Variants in HGFAC observed in about 807,000 individuals in gnomAD.
The protein encoded by HGFAC is HGF activator, also known as hepatocyte growth factor activator serine protease.
HGFAC carries 76 observed loss-of-function variants against 70.6 expected under a neutral mutation model. The observed-to-expected ratio is 1.08, with a 90% CI of 0.89 to 1.30. The LOEUF is 1.30. HGFAC is among the 50% of genes most tolerant of loss of function. The pLI, the probability that HGFAC is intolerant of heterozygous loss-of-function variation, is 0.00. For missense variants in HGFAC, 1,044 were observed against 933.7 expected (o/e 1.12, Z -1.54); for synonymous variants, 464 against 405.3 (o/e 1.14, Z -1.74).
chr4:3,448,305 C>G, intron 13 of HGFAC, 29 bp downstream of exon 13: 2 of 1,602,480 alleles, frequency 1.2e-6, no homozygotes, highest in Non-Finnish European at 1.7e-6. Context: ...CACCAGGACC[C>G]GACTGGTGGG....
At chr4:3,447,403 C>T (rs1293956838) in intron 10 of HGFAC, 89 bp from the exon 11 acceptor site, 2 of 1,475,898 alleles carry the variant, frequency 1.4e-6, no homozygotes, top group Non-Finnish European at 1.9e-6. Flanking sequence ...ACACCATTGG[C>T]CTCCGTGGGC....
Position 3,444,883 on chromosome 4 carries a change from C to A in HGFAC, c.906C>A (p.Ala302=). The change falls in exon 8 of 14, where the codon GCC becomes GCA. Residue 302 remains alanine, a synonymous_variant. Coordinates refer to ENST00000382774, the MANE Select transcript of HGFAC (RefSeq NM_001528.4). ...TGYRGVASTS[A]SGLSCLAWNS... ...ACCGTGGCGTGGCCAGCACCTCAGCCTCGGGCCTCAGCTGCCTGGCCTGGA... is the reference window on the plus strand; with the variant it reads ...ACCGTGGCGTGGCCAGCACCTCAGCATCGGGCCTCAGCTGCCTGGCCTGGA... 1 of 1,608,730 alleles carries A rather than the reference C, an allele frequency of 6.2e-7. No individual in the cohort carries two copies. Among genetic ancestry groups the A allele is most frequent in the South Asian group, 1.1e-5 (1 of 90,224 alleles).
In HGFAC at chr4:3,443,059, A is replaced by C; in HGVS notation, c.308A>C (p.Glu103Ala). ...CACCCCCTCCCCACAGCACTCACCG[A>C]GGACGGGAGGCCCTGCAGGTTCCCC... ...SSSPQAQALT[E>A]DGRPCRFPFR... The change falls in exon 3 of 14, where the codon GAG becomes GCG. Residue 103 changes from glutamate to alanine, a missense_variant. Transcript: ENST00000382774. The C allele has an allele frequency of 6.3e-7, 1 of 1,598,850 alleles. No homozygotes were observed. The highest frequency in any genetic ancestry group is 1.1e-5 in the South Asian group (1 of 90,584).
At chr4:3,443,950 C>G (rs1297876685) in intron 4 of HGFAC, 89 bp from the exon 5 acceptor site, 1 of 1,418,564 alleles carries the variant, frequency 7.0e-7, no homozygotes. Context: ...TCACTGGGGC[C>G]TGATGGACGC....
Position 3,447,896 on chromosome 4 carries a change from C to T in HGFAC, c.1497C>T (p.Val499=). 5 of 1,611,358 alleles carry T rather than the reference C, an allele frequency of 3.1e-6. No individual in the cohort carries two copies. Among genetic ancestry groups the T allele is most frequent in the Non-Finnish European group, 4.2e-6 (5 of 1,179,346 alleles). The change falls in exon 12 of 14, where the codon GTC becomes GTT. Residue 499 remains valine, a splice_region_variant and synonymous_variant. Coordinates refer to ENST00000382774, the MANE Select transcript of HGFAC (RefSeq NM_001528.4). The part of the protein sequence containing the change: ...SVFNPSDHDL[V]LIRLKKKGDR... ...GACCCTGGCCACTCTTCTGATCAGTCCTGATCCGGCTGAAGAAGAAAGGGG... is the reference window on the plus strand; with the variant it reads ...GACCCTGGCCACTCTTCTGATCAGTTCTGATCCGGCTGAAGAAGAAAGGGG...
intron 13 of HGFAC, 115 bp downstream of exon 13, chr4:3,448,391 G>A (rs1366203322): frequency 2.4e-6 from 3 of 1,262,760 alleles, no homozygotes; most frequent in Non-Finnish European, 3.2e-6. Flanking sequence ...AACCTGGCAG[G>A]GCCAGCCAGG....
chr4:3,442,249 T>C, intron 1 of HGFAC, 131 bp downstream of exon 1: 1 of 671,744 alleles, frequency 1.5e-6, no homozygotes, highest in South Asian at 2.1e-5. Context: ...GCAGGGGGCT[T>C]ACGTTGAAAG....
In HGFAC at chr4:3,444,022, C is replaced by T. The variant is rs766556138; in HGVS notation, c.476-17C>T. 7 of 1,569,070 alleles carry T rather than the reference C, an allele frequency of 4.5e-6. 1 individual carries two copies. The South Asian group carries it at 8.4e-5, about 19-fold the overall frequency. Reference sequence around the variant, plus strand: ...CCTCCCAGTCCGCCCCTCACACCCCCTCCCGCATGTCCCCAGCTGCCCTGG... The same window carrying T: ...CCTCCCAGTCCGCCCCTCACACCCCTTCCCGCATGTCCCCAGCTGCCCTGG... On this transcript the variant is annotated splice_polypyrimidine_tract_variant and intron_variant, in intron 4 of 13. Transcript: ENST00000382774.
chr4:3,448,166 G>C lies in HGFAC; in HGVS notation c.1675G>C (p.Val559Leu). The change falls in exon 13 of 14, where the codon GTC (valine) becomes CTC (leucine). Residue 559 changes from valine (V) to leucine (L), a missense_variant. Val to Leu is a conservative substitution (Grantham distance 32). Coordinates refer to ENST00000382774, the MANE Select transcript of HGFAC (RefSeq NM_001528.4). ...CTCCAGCTCCCTGCGGGAGGCCCTGGTCCCCCTGGTCGCCGACCACAAGTG... is the reference window on the plus strand; with the variant it reads ...CTCCAGCTCCCTGCGGGAGGCCCTGCTCCCCCTGGTCGCCGACCACAAGTG... ...GYSSSLREAL[V>L]PLVADHKCSS... The C allele has an allele frequency of 6.2e-7, 1 of 1,600,038 alleles. No individual in the cohort carries two copies. Among genetic ancestry groups the C allele is most frequent in the Non-Finnish European group, 8.5e-7 (1 of 1,174,684 alleles).
In HGFAC at chr4:3,444,799, C is replaced by T. The variant is rs1232578760; in HGVS notation, c.842-20C>T. 1.3e-6 allele frequency: 2 copies of T among 1,584,442 alleles called. No homozygotes were observed. The highest frequency in any genetic ancestry group is 1.7e-5 in the Admixed American group (1 of 58,234). ...GGGTGGACCCACCGTGGGCCGGCCT[C>T]ACTGCCCCTCTGCCCGCAGAGCCTG... On this transcript the variant is annotated intron_variant, in intron 7 of 13. Transcript: ENST00000382774.
At position 3,448,202 on chromosome 4, in the gene HGFAC, G is replaced by C; in HGVS notation, c.1711G>C (p.Glu571Gln). Residue 571 changes from glutamate (E) to glutamine (Q), a missense_variant, in exon 13 of 14, where the codon GAG (glutamate) becomes CAG (glutamine). Transcript: ENST00000382774. ...CGCCGACCACAAGTGCAGCAGCCCT[G>C]AGGTCTACGGCGCCGACATCAGCCC... Reference protein sequence around the residue: ...LVADHKCSSPEVYGADISPNM... With the variant: ...LVADHKCSSPQVYGADISPNM... 6.2e-7 allele frequency: 1 copy of C among 1,606,918 alleles called. No individual in the cohort carries two copies. The highest frequency in any genetic ancestry group is 8.5e-7 in the Non-Finnish European group (1 of 1,178,172).
chr4:3,447,351 A>G, intron 10 of HGFAC, 141 bp from the exon 11 acceptor site: 1 of 833,748 alleles, frequency 1.2e-6, no homozygotes, highest in Non-Finnish European at 1.9e-6. Context: ...AACAGCCCAC[A>G]CCCAGGCACC....
intron 1 of HGFAC, 58 bp from the exon 2 acceptor site, chr4:3,442,674 C>A: frequency 7.9e-7 from 1 of 1,261,478 alleles, no homozygotes; most frequent in Non-Finnish European, 1.1e-6. Context: ...ACCTCCTGCC[C>A]GGCAGGACCT....
At chr4:3,448,061 G>C (rs774377646) in intron 12 of HGFAC, 26 bp downstream of exon 12, 2 of 1,546,408 alleles carry the variant, frequency 1.3e-6, no homozygotes, top group Middle Eastern at 1.9e-4. Flanking sequence ...GGCGCCCAGC[G>C]CCCCGCCAGG....
At chr4:3,448,369 T>G (rs1725605545) in intron 13 of HGFAC, 93 bp downstream of exon 13, 1 of 1,454,166 alleles carries the variant, frequency 6.9e-7, no homozygotes, top group Non-Finnish European at 9.2e-7. Flanking sequence ...GCCCAGAGCC[T>G]GGCGGCACCC....
chr4:3,445,744 T>G, intron 9 of HGFAC: 10 of 875,826 alleles, frequency 1.1e-5, no homozygotes, highest in Admixed American at 2.3e-5. Context: ...GGCTCTCATG[T>G]GGGGGTCTCT....
In HGFAC at chr4:3,444,976, C is replaced by T. The variant is rs763370594; in HGVS notation, c.999C>T (p.Gly333=). The part of the protein sequence containing the change: ...SVGAAALLGL[G]PHAYCRNPDN... Reference sequence around the variant, plus strand: ...GCGCCGCGGCCCTGCTGGGCCTGGGCCCCCATGCCTACTGCCGGTCAGCAC... The same window carrying T: ...GCGCCGCGGCCCTGCTGGGCCTGGGTCCCCATGCCTACTGCCGGTCAGCAC... The change falls in exon 8 of 14, where the codon GGC becomes GGT. Residue 333 remains glycine, a synonymous_variant. Coordinates refer to ENST00000382774, the MANE Select transcript of HGFAC (RefSeq NM_001528.4). The T allele has an allele frequency of 3.1e-6, 5 of 1,596,214 alleles. No homozygotes were observed. The highest frequency in any genetic ancestry group is 2.3e-5 in the South Asian group (2 of 88,696).
At chr4:3,445,058 C>T in intron 8 of HGFAC, 65 bp downstream of exon 8, 5 of 1,457,242 alleles carry the variant, frequency 3.4e-6, no homozygotes, top group Non-Finnish European at 3.7e-6. Context: ...GGGGAGAGGC[C>T]CCCCGGCTCC....
At chr4:3,448,683 G>A (rs956449109) in intron 13 of HGFAC, among the ~76,000 whole-genome samples, 1 of 152,188 alleles carries the variant, frequency 6.6e-6, no homozygotes. Context: ...GCCCAACCAC[G>A]TCCTGGGCTC....
Sources: gnomAD v4.1 joint callset for allele counts (sites outside exome capture counted in the v4.1 genomes callset) on GRCh38, gnomAD v4.1.1 for gene constraint, MANE v1.5 for transcripts, NCBI Gene and HGNC (gene_info 2026-07-23, HGNC 2026-07-21) for gene names.